TMC2: variants seen among roughly 807,000 people sequenced by gnomAD.
TMC2 encodes the protein transmembrane channel-like protein 2.
A neutral mutation model predicts 105.9 loss-of-function variants in TMC2; 102 were observed. The ratio of observed to expected loss-of-function variants is 0.96; its 90% CI spans 0.82 to 1.14. The LOEUF is 1.14. TMC2 is among the 50% of genes most tolerant of loss of function. TMC2 has a pLI of 0.00. For missense variants in TMC2, 1,093 were observed against 1,134.3 expected (o/e 0.96, Z 0.52); for synonymous variants, 402 against 422.8 (o/e 0.95, Z 0.60).
At chr20:2,577,527 G>A (rs2086155802) in intron 5 of TMC2, among the ~76,000 whole-genome samples, 1 of 152,116 alleles carries the variant, frequency 6.6e-6, no homozygotes, top group African/African-American at 2.4e-5. Flanking sequence ...TCTGACAGCT[G>A]GTTCCCTTCT....
chr20:2,552,733 C>A (rs1568502792), intron 2 of TMC2, among the ~76,000 whole-genome samples: 1 of 152,098 alleles, frequency 6.6e-6, no homozygotes, highest in Non-Finnish European at 1.5e-5. Flanking sequence ...CCAGGCTGGT[C>A]TGGAACTCCG....
chr20:2,605,906 G>A (rs1376652507), intron 11 of TMC2, among the ~76,000 whole-genome samples: 3 of 152,194 alleles, frequency 2.0e-5, no homozygotes, highest in Admixed American at 1.3e-4. Context: ...TGTGGCCTCA[G>A]ACCTTCCACT....
At chr20:2,572,427 T>C (rs1285516625) in intron 5 of TMC2, among the ~76,000 whole-genome samples, 158 bp downstream of exon 5, 1 of 152,246 alleles carries the variant, frequency 6.6e-6, no homozygotes, top group African/African-American at 2.4e-5. Context: ...CATCTAGGCA[T>C]GGAAACCAAT....
At chr20:2,540,279 G>A (rs6083584) in intron 2 of TMC2, among the ~76,000 whole-genome samples, 129,706 of 151,750 alleles carry the variant, frequency 0.85, 55,810 homozygotes, top group African/African-American at 0.97. Context: ...GTGAGCCTCC[G>A]TGCCTGGCCG....
intron 2 of TMC2, among the ~76,000 whole-genome samples, chr20:2,556,638 C>T (rs368034470): frequency 6.6e-6 from 1 of 152,176 alleles, no homozygotes; most frequent in African/African-American, 2.4e-5. Flanking sequence ...AGCTGGGAGG[C>T]TGAGGCAGGA....
At chr20:2,569,146 G>A (rs548947428) in intron 4 of TMC2, among the ~76,000 whole-genome samples, 2 of 152,284 alleles carry the variant, frequency 1.3e-5, no homozygotes, top group East Asian at 3.9e-4. Flanking sequence ...CATAGTATTT[G>A]CTGATTTCCG....
chr20:2,626,369 T>C (rs1488826518), intron 17 of TMC2, among the ~76,000 whole-genome samples: 1 of 152,224 alleles, frequency 6.6e-6, no homozygotes, highest in African/African-American at 2.4e-5. Flanking sequence ...CAGCTGGCAC[T>C]GGAGGCCTCA....
At chr20:2,567,403 G>A (rs2086071815) in intron 4 of TMC2, among the ~76,000 whole-genome samples, 1 of 152,104 alleles carries the variant, frequency 6.6e-6, no homozygotes, top group Non-Finnish European at 1.5e-5. Flanking sequence ...AATACCTAGA[G>A]TCTTATAATA....
At chr20:2,630,072 T>C (rs2086592714) in intron 17 of TMC2, among the ~76,000 whole-genome samples, 1 of 152,086 alleles carries the variant, frequency 6.6e-6, no homozygotes, top group Non-Finnish European at 1.5e-5. Flanking sequence ...AAACACCTAA[T>C]CAGTAAGACT....
In TMC2 at chr20:2,613,339, T is replaced by C. The variant is rs769990106; in HGVS notation, c.1872+17T>C. ...GCTGGATTTGTAGGTCACCACTTCA[T>C]GGACATTCCGCACAAAGGAATTTCA... On this transcript the variant is annotated intron_variant, in intron 14 of 19. Transcript: ENST00000358864. 2.5e-6 allele frequency: 4 copies of C among 1,614,062 alleles called. No individual in the cohort carries two copies. The highest frequency in any genetic ancestry group is 1.3e-5 in the African/African-American group (1 of 75,050).
At chr20:2,552,528 T>A (rs1314657431) in intron 2 of TMC2, among the ~76,000 whole-genome samples, 1 of 152,198 alleles carries the variant, frequency 6.6e-6, no homozygotes, top group Admixed American at 6.5e-5. Flanking sequence ...TTTATTTGTT[T>A]GTTTGTTTTT....
chr20:2,555,223 G>A (rs1428469888), intron 2 of TMC2, among the ~76,000 whole-genome samples: 1 of 152,124 alleles, frequency 6.6e-6, no homozygotes, highest in South Asian at 2.1e-4. Context: ...TGAGATTACA[G>A]GCATGCGCCA....
chr20:2,587,475 A>T (rs866343670), intron 7 of TMC2, among the ~76,000 whole-genome samples: 5 of 151,706 alleles, frequency 3.3e-5, no homozygotes, highest in Non-Finnish European at 2.9e-5. Flanking sequence ...TATCCTTCTT[A>T]TAATGTTCTT....
At chr20:2,540,357 C>T (rs752140657) in intron 2 of TMC2, among the ~76,000 whole-genome samples, 51 of 151,770 alleles carry the variant, frequency 3.4e-4, no homozygotes, top group Non-Finnish European at 5.9e-4. Context: ...CATTTAAAAC[C>T]GAGTCTCAAA....
chr20:2,554,975 T>G (rs1478506485), intron 2 of TMC2, among the ~76,000 whole-genome samples: 1 of 152,250 alleles, frequency 6.6e-6, no homozygotes, highest in Non-Finnish European at 1.5e-5. Flanking sequence ...TTCAACTATG[T>G]CCTTACTATT....
intron 9 of TMC2, among the ~76,000 whole-genome samples, chr20:2,596,352 C>T (rs964061598): frequency 3.1e-4 from 47 of 152,242 alleles, no homozygotes; most frequent in African/African-American, 1.1e-3. Context: ...TAGTACCGGG[C>T]CGGGCGTGGT....
chr20:2,613,108 T>G, intron 13 of TMC2, 86 bp from the exon 14 acceptor site: 1 of 1,520,830 alleles, frequency 6.6e-7, no homozygotes, highest in Non-Finnish European at 8.9e-7. Context: ...GGGGGAGAGT[T>G]TATTAGACTC....
chr20:2,552,504 A>T (rs1183419726), intron 2 of TMC2, among the ~76,000 whole-genome samples: 1 of 152,074 alleles, frequency 6.6e-6, no homozygotes, highest in African/African-American at 2.4e-5. Context: ...TGTTAGATTT[A>T]TATATAAGTT....
chr20:2,556,078 ATTTTT>A lies in TMC2; in HGVS notation c.83-2376_83-2372del, dbSNP rs1417660918. ...TTAGGAATTTAAAAAGAAGGATTTTATTTTTTATTTTTTATTTTTATTTTTTTTGA... is the reference window on the plus strand; with the variant it reads ...TTAGGAATTTAAAAAGAAGGATTTTATATTTTTTATTTTTATTTTTTTTGA... On this transcript the variant is annotated intron_variant, in intron 2 of 19. Coordinates refer to ENST00000358864, the MANE Select transcript of TMC2 (RefSeq NM_080751.3). Among the ~76,000 whole-genome samples the A allele has an allele frequency of 2.6e-5, 4 of 152,134 alleles. No homozygotes were observed. The South Asian group carries it at 8.3e-4, about 32-fold the overall frequency.
Sources: gnomAD v4.1 joint callset for allele counts (sites outside exome capture counted in the v4.1 genomes callset) on GRCh38, gnomAD v4.1.1 for gene constraint, MANE v1.5 for transcripts, NCBI Gene and HGNC (gene_info 2026-07-23, HGNC 2026-07-21) for gene names.